The following PCNX2 variants were observed in gnomAD, a reference collection of about 807,000 sequenced individuals.
PCNX2 encodes pecanex-like protein 2.
PCNX2 carries 168 observed loss-of-function variants against 223.8 expected under a neutral mutation model. That is an observed-to-expected ratio of 0.75 (90% confidence interval 0.66 to 0.85). The LOEUF (loss-of-function observed/expected upper bound fraction) is 0.85, where lower values mean the gene tolerates loss of function less well. Among genes scored for constraint, PCNX2 ranks in the 40% least tolerant of loss-of-function variants. PCNX2 has a pLI of 0.00. For synonymous variants in PCNX2, 1,006 were observed against 1,052.6 expected (o/e 0.96, Z 0.86); for missense variants, 2,507 against 2,675.5 (o/e 0.94, Z 1.39).
At chr1:232,984,528 C>T (rs1669396750) in intron 33 of PCNX2, 51 bp from the exon 34 acceptor site, 1 of 1,565,326 alleles carries the variant, frequency 6.4e-7, no homozygotes, top group East Asian at 2.3e-5. Context: ...CGTTCACTAC[C>T]CACTTCTAAC....
chr1:233,262,785 C>T (rs1173790281), intron 2 of PCNX2, among the ~76,000 whole-genome samples, 173 bp downstream of exon 2: 1 of 152,178 alleles, frequency 6.6e-6, no homozygotes, highest in Non-Finnish European at 1.5e-5. Context: ...GCCAGTTAAA[C>T]CATCTTGATT....
At chr1:233,290,639 A>AC (rs1661707545) in intron 1 of PCNX2, 1 of 649,298 alleles carries the variant, frequency 1.5e-6, no homozygotes, top group African/African-American at 2.0e-5. Flanking sequence ...TAACAATTAG[A>AC]ATGTGTTGGG....
At chr1:233,277,623 G>C (rs373480381) in intron 1 of PCNX2, among the ~76,000 whole-genome samples, 1 of 152,160 alleles carries the variant, frequency 6.6e-6, no homozygotes, top group Non-Finnish European at 1.5e-5. Flanking sequence ...CTATCTTGGC[G>C]TCAAGGCAGT....
rs746687213 is a variant in PCNX2 at position 233,160,419 on chromosome 1, G to C, written c.3381C>G (p.Ile1127Met). 1.9e-6 allele frequency: 3 copies of C among 1,613,650 alleles called. No homozygotes were observed. Among genetic ancestry groups the C allele is most frequent in the Non-Finnish European group, 1.7e-6 (2 of 1,179,654 alleles). The change falls in exon 19 of 34, where the codon ATC (isoleucine) becomes ATG (methionine). Residue 1127 changes from isoleucine to methionine, a missense_variant. By Grantham distance (10) the Ile-to-Met change is conservative. Coordinates refer to ENST00000258229, the MANE Select transcript of PCNX2 (RefSeq NM_014801.4). ...CGGCTCCAGCCAAGGCAAACAGCACGATGCTGAGAAATGGCTGCGATAAAA... is the reference window on the plus strand; with the variant it reads ...CGGCTCCAGCCAAGGCAAACAGCACCATGCTGAGAAATGGCTGCGATAAAA... ...VFLSLRPFLS[I>M]VLFALAGAVG... is the part of the protein sequence containing the mutation.
intron 12 of PCNX2, among the ~76,000 whole-genome samples, chr1:233,209,408 CA>C (rs1446820635): frequency 6.6e-6 from 1 of 151,750 alleles, no homozygotes; most frequent in Non-Finnish European, 1.5e-5. Flanking sequence ...CTTTTCAGGG[CA>C]AAAGCCAACA....
At chr1:233,249,562 A>G (rs1270840271) in intron 8 of PCNX2, among the ~76,000 whole-genome samples, 1 of 152,066 alleles carries the variant, frequency 6.6e-6, no homozygotes, top group Non-Finnish European at 1.5e-5. Context: ...TTGGCTGGAG[A>G]AGAAGAAGTT....
the PCNX2 span, among the ~76,000 whole-genome samples, chr1:233,323,726 T>C: frequency 2.0e-5 from 3 of 152,186 alleles, no homozygotes; most frequent in African/African-American, 7.2e-5. Context: ...CTATTCCCTG[T>C]CCCTTTCCCT....
chr1:233,148,545 AG>A, intron 19 of PCNX2, among the ~76,000 whole-genome samples: 1 of 151,090 alleles, frequency 6.6e-6, no homozygotes, highest in East Asian at 2.0e-4. Flanking sequence ...GGATTACATG[AG>A]TGTGCCACTA....
At chr1:233,082,625 TA>T (rs1424041986) in intron 23 of PCNX2, among the ~76,000 whole-genome samples, 10 of 152,218 alleles carry the variant, frequency 6.6e-5, no homozygotes, top group South Asian at 4.1e-4. Context: ...TATTAACCCA[TA>T]AGCCAGAATA....
chr1:233,055,872 A>G (rs1672175042), intron 24 of PCNX2, among the ~76,000 whole-genome samples: 1 of 152,170 alleles, frequency 6.6e-6, no homozygotes, highest in South Asian at 2.1e-4. Flanking sequence ...AGGGTGCGGA[A>G]GGCAGGGAGT....
chr1:233,293,555 G>A (rs1351095451), intron 1 of PCNX2, among the ~76,000 whole-genome samples: 1 of 152,186 alleles, frequency 6.6e-6, no homozygotes, highest in East Asian at 1.9e-4. Context: ...ACAGAATGCT[G>A]TAAAACTAAT....
intron 23 of PCNX2, among the ~76,000 whole-genome samples, chr1:233,061,543 C>T (rs930650304): frequency 1.3e-5 from 2 of 152,154 alleles, no homozygotes; most frequent in African/African-American, 4.8e-5. Context: ...ATTTGCCCTC[C>T]AAGACCACAA....
the PCNX2 span, among the ~76,000 whole-genome samples, chr1:233,308,356 G>T: frequency 6.6e-6 from 1 of 152,170 alleles, no homozygotes; most frequent in Non-Finnish European, 1.5e-5. Flanking sequence ...CTACTTGGAA[G>T]GCTGAGTCAG....
In PCNX2 at chr1:233,295,627, C is replaced by A; in HGVS notation, c.-149G>T. 1 of 880,994 alleles carries A rather than the reference C, an allele frequency of 1.1e-6. No individual in the cohort carries two copies. Among genetic ancestry groups the A allele is most frequent in the Non-Finnish European group, 1.5e-6 (1 of 661,244 alleles). The allele number at this position is 880,994 out of a possible 1,614,324, so 54.6% of individuals were successfully genotyped here. On this transcript the variant is annotated 5_prime_UTR_variant, in exon 1 of 34. Transcript: ENST00000258229. The surrounding 1 kb of genome is among the most constrained non-coding windows in gnomAD (Gnocchi z 4.1). ...TCGCCCCCGCCGCCTCCTTCCACCC[C>A]ACGTTTGAAGCTGGAGCTGCTCTTC...
rs999491584 is a variant in PCNX2, at chr1:233,289,534, G to A, written c.153+5792C>T. On this transcript the variant is annotated intron_variant, in intron 1 of 33. Transcript: ENST00000258229. ...AGCAACTCCATGCTGCAGGCTCTTCGCCTGAAATACAACTCTGCTTCAGGC... is the reference window on the plus strand; with the variant it reads ...AGCAACTCCATGCTGCAGGCTCTTCACCTGAAATACAACTCTGCTTCAGGC... 1.3e-4 allele frequency: 88 copies of A among 658,258 alleles called. 1 individual carries two copies. In the South Asian group the frequency reaches 1.3e-3, roughly 10 times the overall value. The allele number at this position is 658,258 out of a possible 1,614,324, so 40.8% of individuals were successfully genotyped here.
intron 28 of PCNX2, among the ~76,000 whole-genome samples, chr1:233,006,514 A>G (rs1218878485): frequency 6.6e-6 from 1 of 152,228 alleles, no homozygotes; most frequent in African/African-American, 2.4e-5. Context: ...AAATGTCTAC[A>G]GTGCTGCTGC....
At chr1:233,254,036 C>T (rs1424356024) in intron 5 of PCNX2, among the ~76,000 whole-genome samples, 3 of 152,152 alleles carry the variant, frequency 2.0e-5, no homozygotes, top group Non-Finnish European at 4.4e-5. Context: ...ACACACCATT[C>T]GAAAAGTCTA....
At chr1:233,011,093 G>T (rs1273996208) in intron 28 of PCNX2, among the ~76,000 whole-genome samples, 6 of 152,102 alleles carry the variant, frequency 3.9e-5, no homozygotes, top group Admixed American at 3.9e-4. Flanking sequence ...CAACCATATA[G>T]CACATATGCA....
chr1:233,295,532 C>T lies in PCNX2; in HGVS notation c.-54G>A. The T allele has an allele frequency of 6.8e-7, 1 of 1,463,004 alleles. No homozygotes were observed. 90.6% of individuals were successfully genotyped at this position (1,463,004 alleles called of 1,614,324 possible). On this transcript the variant is annotated 5_prime_UTR_variant, in exon 1 of 34. Transcript: ENST00000258229. This position sits in a 1 kb window ranked among gnomAD's most constrained non-coding sequence, Gnocchi z 4.1. ...CCCCGCTGCACCCTGCGCGCCCCGG[C>T]CGGATCTCCAGGCTCCCTCAGGTCT...
Sources: gnomAD v4.1 joint callset for allele counts (sites outside exome capture counted in the v4.1 genomes callset) on GRCh38, gnomAD v4.1.1 for gene constraint, Gnocchi (gnomAD v3.1) non-coding constraint, MANE v1.5 for transcripts, NCBI Gene and HGNC (gene_info 2026-07-23, HGNC 2026-07-21) for gene names.